Variants in SCMH1 observed in about 807,000 individuals in gnomAD.
The protein encoded by SCMH1 is Scm polycomb group protein homolog 1.
Under a neutral mutation model 70.8 loss-of-function variants are expected in SCMH1, and 37 were observed. That is an observed-to-expected ratio of 0.52 (90% CI 0.40 to 0.69). The LOEUF is 0.69. SCMH1 is among the 30% of genes least tolerant of loss of function. The probability of loss-of-function intolerance (pLI) is 0.00; values close to 1 mark genes in which losing one functional copy is unlikely to be tolerated. For missense variants in SCMH1, 607 were observed against 827.3 expected, an observed-to-expected ratio of 0.73 and a Z score of 3.27; for synonymous variants, 292 against 307.4, an observed-to-expected ratio of 0.95 and a Z score of 0.52.
chr1:41,188,787 A>G (rs1477229520), intron 1 of SCMH1, among the ~76,000 whole-genome samples: 1 of 526 alleles, frequency 1.9e-3, no homozygotes, highest in East Asian at 0.17. Flanking sequence ...CTGTATAGTA[A>G]TAAGTCAAAT....
rs545961345 is a variant in SCMH1 at position 41,222,557 on chromosome 1, C to T, written c.-118+19502G>A. Among the ~76,000 whole-genome samples, 7 of 152,246 alleles carry T rather than the reference C, an allele frequency of 4.6e-5. No individual in the cohort carries two copies. In the South Asian group the frequency reaches 1.5e-3, roughly 32 times the overall value. On this transcript the variant is annotated intron_variant, in intron 1 of 14. Transcript: ENST00000337495. ...CTATAATACAGCAAAAGAGACTGTACCGAGACATATCACAGTGCTAAGGGG... is the reference window on the plus strand; with the variant it reads ...CTATAATACAGCAAAAGAGACTGTATCGAGACATATCACAGTGCTAAGGGG...
At chr1:41,167,315 G>C (rs769823958) in intron 2 of SCMH1, among the ~76,000 whole-genome samples, 2 of 152,094 alleles carry the variant, frequency 1.3e-5, no homozygotes, top group Non-Finnish European at 2.9e-5. Flanking sequence ...TCAGATGAAG[G>C]GAGATGTAGT....
intron 4 of SCMH1, among the ~76,000 whole-genome samples, chr1:41,159,313 A>G (rs1338054015): frequency 6.6e-6 from 1 of 152,198 alleles, no homozygotes; most frequent in Non-Finnish European, 1.5e-5. Flanking sequence ...TTGAGTACCC[A>G]CATTTCACAA....
At chr1:41,176,219 A>G (rs972622082) in intron 2 of SCMH1, among the ~76,000 whole-genome samples, 41 of 151,630 alleles carry the variant, frequency 2.7e-4, no homozygotes, top group Non-Finnish European at 1.5e-4. Flanking sequence ...AAAAGGAAAG[A>G]AAGAGGAGAA....
At chr1:41,097,655 T>G (rs980438095) in intron 8 of SCMH1, among the ~76,000 whole-genome samples, 7 of 152,092 alleles carry the variant, frequency 4.6e-5, no homozygotes, top group African/African-American at 7.2e-5. Context: ...TTTCTTCCAC[T>G]CAAATACCAC....
chr1:41,140,554 G>A (rs1463392899), intron 6 of SCMH1, among the ~76,000 whole-genome samples: 1 of 152,108 alleles, frequency 6.6e-6, no homozygotes, highest in Non-Finnish European at 1.5e-5. Context: ...GCCTCCCAAA[G>A]TGCTGGGATT....
intron 8 of SCMH1, among the ~76,000 whole-genome samples, chr1:41,077,882 A>G (rs969175055): frequency 2.0e-5 from 3 of 152,222 alleles, no homozygotes; most frequent in Non-Finnish European, 4.4e-5. Flanking sequence ...TAGACATAAC[A>G]GAGTCAAAAC....
At chr1:41,122,639 T>C (rs1223471170) in intron 6 of SCMH1, among the ~76,000 whole-genome samples, 1 of 152,160 alleles carries the variant, frequency 6.6e-6, no homozygotes, top group East Asian at 1.9e-4. Flanking sequence ...TTATTAATCA[T>C]CTTGCAGGTA....
intron 1 of SCMH1, among the ~76,000 whole-genome samples, chr1:41,238,810 C>T (rs1662908216): frequency 6.6e-6 from 1 of 152,004 alleles, no homozygotes; most frequent in Admixed American, 6.5e-5. Context: ...TTTTTTTTCT[C>T]AGCTTACTTC....
chr1:41,202,155 C>A (rs996844158), intron 1 of SCMH1, among the ~76,000 whole-genome samples: 1 of 152,082 alleles, frequency 6.6e-6, no homozygotes, highest in African/African-American at 2.4e-5. Context: ...CCTGTCTTAG[C>A]CTCCCGAGTA....
At chr1:41,151,503 TG>T in intron 5 of SCMH1, 110 bp downstream of exon 5, 1 of 717,822 alleles carries the variant, frequency 1.4e-6, no homozygotes, top group Non-Finnish European at 2.3e-6. Flanking sequence ...AAGTTTATTC[TG>T]GGGCCCTCAG....
At chr1:41,180,143 G>A (rs983602247) in intron 2 of SCMH1, among the ~76,000 whole-genome samples, 4 of 152,056 alleles carry the variant, frequency 2.6e-5, no homozygotes, top group African/African-American at 7.2e-5. Flanking sequence ...ATGCAGAAAA[G>A]GCCTTTGACA....
At chr1:41,049,922 G>A (rs1232776206) in intron 10 of SCMH1, among the ~76,000 whole-genome samples, 1 of 151,988 alleles carries the variant, frequency 6.6e-6, no homozygotes, top group African/African-American at 2.4e-5. Context: ...TAGGTGTGGT[G>A]GCATGTGCCT....
chr1:41,157,176 A>G (rs1366780285), intron 4 of SCMH1, among the ~76,000 whole-genome samples: 1 of 152,032 alleles, frequency 6.6e-6, no homozygotes, highest in East Asian at 1.9e-4. Context: ...CTCAATTTCT[A>G]TTCCTACCGA....
At chr1:41,153,761 T>G (rs959938567) in intron 4 of SCMH1, among the ~76,000 whole-genome samples, 1 of 152,188 alleles carries the variant, frequency 6.6e-6, no homozygotes, top group Admixed American at 6.5e-5. Flanking sequence ...AGTTCCTTAT[T>G]ATCAGGTGAA....
At chr1:41,091,900 T>A (rs891844823) in intron 8 of SCMH1, among the ~76,000 whole-genome samples, 1 of 144,138 alleles carries the variant, frequency 6.9e-6, no homozygotes, top group Non-Finnish European at 1.5e-5. Context: ...GAACATTCCA[T>A]GCTCATGGAT....
intron 6 of SCMH1, among the ~76,000 whole-genome samples, chr1:41,120,557 C>A (rs1352088722): frequency 6.6e-6 from 1 of 152,168 alleles, no homozygotes; most frequent in African/African-American, 2.4e-5. Context: ...AGGGGCAAAG[C>A]AGAAATATTT....
intron 12 of SCMH1, among the ~76,000 whole-genome samples, chr1:41,041,910 A>T (rs1646223933): frequency 6.6e-6 from 1 of 152,180 alleles, no homozygotes; most frequent in African/African-American, 2.4e-5. Flanking sequence ...TAAACTTAAT[A>T]GTCACTGGGA....
At chr1:41,033,762 A>G (rs1310159173) in intron 13 of SCMH1, among the ~76,000 whole-genome samples, 1 of 152,204 alleles carries the variant, frequency 6.6e-6, no homozygotes, top group African/African-American at 2.4e-5. Flanking sequence ...GGGCCAGCCG[A>G]ATGAATCTTT....
Sources: allele counts gnomAD v4.1 joint callset (sites outside exome capture counted in the v4.1 genomes callset), GRCh38; gene constraint gnomAD v4.1.1; transcripts MANE v1.5; gene names NCBI Gene and HGNC (gene_info 2026-07-23, HGNC 2026-07-21).